The following NFS1 variants were observed in gnomAD, a reference collection of about 807,000 sequenced individuals.
NFS1 encodes NFS1 cysteine desulfurase.
Under a neutral mutation model 57.3 loss-of-function variants are expected in NFS1, and 26 were observed. The ratio of observed to expected loss-of-function variants is 0.45; its 90% confidence interval spans 0.33 to 0.63. The LOEUF (loss-of-function observed/expected upper bound fraction) is 0.63, where lower values mean the gene tolerates loss of function less well. Ranked by LOEUF, NFS1 falls within the 20% of genes least tolerant of loss-of-function variation. The pLI, the probability that NFS1 is intolerant of heterozygous loss-of-function variation, is 0.02. For missense variants in NFS1, 505 were observed against 605.8 expected (o/e 0.83, Z 1.75); for synonymous variants, 209 against 216.3 (o/e 0.97, Z 0.30).
At chr20:35,671,338 T>C (rs916493144) in intron 12 of NFS1, among the ~76,000 whole-genome samples, 3 of 152,312 alleles carry the variant, frequency 2.0e-5, no homozygotes, top group Middle Eastern at 3.4e-3. Context: ...CCTGACCTCA[T>C]GATCCGCTCA....
chr20:35,697,568 C>T (rs2035157370), intron 3 of NFS1, 116 bp downstream of exon 3: 1 of 641,706 alleles, frequency 1.6e-6, no homozygotes, highest in Admixed American at 2.8e-5. Flanking sequence ...TGAATCTCTT[C>T]CAGAAAGAAT....
intron 7 of NFS1, 105 bp from the exon 8 acceptor site, chr20:35,675,307 C>T: frequency 8.1e-7 from 1 of 1,240,130 alleles, no homozygotes; most frequent in Non-Finnish European, 1.1e-6. Flanking sequence ...TTTCTGTAAG[C>T]ATGAAATTTT....
In NFS1 at chr20:35,674,353, C is replaced by T; in HGVS notation, c.1133G>A (p.Gly378Glu). Residue 378 changes from glycine (G) to glutamate (E), a missense_variant, in exon 10 of 13, where the codon GGG (glycine) becomes GAG (glutamate). Transcript: ENST00000374092. ...CTGTCTATGCCGTCCAGCTCACCTC[C>T]CTGAGGATAAGGCAACGTCCTTCAG... is the stretch of plus-strand genomic sequence containing the variant. ...MALKDVALSS[G>E]SACTSASLEP... 6.2e-7 allele frequency: 1 copy of T among 1,613,932 alleles called. No individual in the cohort carries two copies. Among genetic ancestry groups the T allele is most frequent in the Non-Finnish European group, 8.5e-7 (1 of 1,179,930 alleles).
At chr20:35,689,390 CG>C (rs1394450083) in intron 5 of NFS1, among the ~76,000 whole-genome samples, 1 of 152,058 alleles carries the variant, frequency 6.6e-6, no homozygotes, top group African/African-American at 2.4e-5. Flanking sequence ...TTTGGGAGGC[CG>C]AGGCAGGTGG....
intron 5 of NFS1, among the ~76,000 whole-genome samples, chr20:35,686,350 CAAAAAAA>C (rs55861739): frequency 1.4e-5 from 1 of 69,568 alleles, no homozygotes; most frequent in Non-Finnish European, 3.1e-5. Flanking sequence ...AACTCCATCT[CAAAAAAA>C]AAAAAAAAAA....
At chr20:35,697,270 G>A (rs1306054331) in intron 3 of NFS1, among the ~76,000 whole-genome samples, 1 of 150,904 alleles carries the variant, frequency 6.6e-6, no homozygotes, top group Non-Finnish European at 1.5e-5. Flanking sequence ...CTGCACTCCA[G>A]TCTGGGCAAC....
At chr20:35,674,090 G>A (rs1430744138) in intron 10 of NFS1, 1 of 492,614 alleles carries the variant, frequency 2.0e-6, no homozygotes, top group African/African-American at 2.3e-5. Context: ...AGAACTGCTA[G>A]TGTAACCCAC....
intron 10 of NFS1, 141 bp downstream of exon 10, chr20:35,674,209 A>T: frequency 1.4e-6 from 1 of 730,452 alleles, no homozygotes; most frequent in Non-Finnish European, 2.4e-6. Context: ...GCCAACCAAA[A>T]AAAGAGAGGC....
chr20:35,698,404 G>T, intron 2 of NFS1, 77 bp downstream of exon 2: 1 of 1,122,694 alleles, frequency 8.9e-7, no homozygotes, highest in Non-Finnish European at 1.3e-6. Flanking sequence ...CTTCTCCAGG[G>T]ATTCAGCCAT....
Position 35,697,741 on chromosome 20 carries a change from G to A in NFS1, c.267C>T (p.His89=), listed in dbSNP as rs770853945. 1 of 1,614,072 alleles carries A rather than the reference G, an allele frequency of 6.2e-7. No homozygotes were observed. The highest frequency in any genetic ancestry group is 8.5e-7 in the Non-Finnish European group (1 of 1,179,996). Reference sequence around the variant, plus strand: ...CCCAGCCATAAGCATGTGTCCGGGAGTGTGGGTTCCCATAGTAGTTGATTA... The same window carrying A: ...CCCAGCCATAAGCATGTGTCCGGGAATGTGGGTTCCCATAGTAGTTGATTA... ...PYLINYYGNP[H]SRTHAYGWES... The change falls in exon 3 of 13, where the codon CAC becomes CAT. Residue 89 remains histidine (H), a synonymous_variant. Coordinates refer to ENST00000374092, the MANE Select transcript of NFS1 (RefSeq NM_021100.5).
chr20:35,685,956 T>C (rs1428859714), intron 5 of NFS1, among the ~76,000 whole-genome samples: 1 of 145,994 alleles, frequency 6.8e-6, no homozygotes, highest in East Asian at 2.1e-4. Context: ...TGAGATGGAG[T>C]CTTGCTTTTG....
In NFS1 at chr20:35,690,212, GAAAC is replaced by G. The variant is rs1464040019; in HGVS notation, c.561+197_561+200del. On this transcript the variant is annotated intron_variant, in intron 5 of 12. Transcript: ENST00000374092. The stretch of plus-strand genomic sequence containing the variant: ...GACTCCATCTCAAAAAAAAGAAAAA[GAAAC>G]AAGTCCTCCAGAGAAAAGGAGGACA... 7.9e-5 allele frequency among the ~76,000 whole-genome samples: 12 copies of G among 151,984 alleles called. 1 individual carries two copies. The highest frequency in any genetic ancestry group is 6.6e-4 in the Admixed American group (10 of 15,218).
At chr20:35,676,782 A>AC (rs2034757071) in intron 7 of NFS1, among the ~76,000 whole-genome samples, 1 of 122,642 alleles carries the variant, frequency 8.2e-6, no homozygotes, top group Non-Finnish European at 1.8e-5. Flanking sequence ...AAAAAAAAAA[A>AC]AAACCAAGAA....
chr20:35,686,536 C>G (rs2034947785), intron 5 of NFS1, among the ~76,000 whole-genome samples: 1 of 151,990 alleles, frequency 6.6e-6, no homozygotes, highest in African/African-American at 2.4e-5. Flanking sequence ...TCAGAAATTT[C>G]TAAGTGCTTA....
intron 4 of NFS1, chr20:35,692,193 T>C: frequency 4.2e-6 from 1 of 235,836 alleles, no homozygotes; most frequent in Non-Finnish European, 8.2e-6. Context: ...TCTCAAAAAA[T>C]AAATAAATAA....
At chr20:35,675,316 T>C in intron 7 of NFS1, 114 bp from the exon 8 acceptor site, 1 of 1,180,938 alleles carries the variant, frequency 8.5e-7, no homozygotes, top group Non-Finnish European at 1.2e-6. Context: ...GCATGAAATT[T>C]TTCTAAATAA....
At chr20:35,680,554 T>C (rs550172592) in intron 7 of NFS1, among the ~76,000 whole-genome samples, 183 bp downstream of exon 7, 2 of 152,252 alleles carry the variant, frequency 1.3e-5, no homozygotes, top group Non-Finnish European at 2.9e-5. Context: ...GTATAGTAAC[T>C]GCTAAGGTCT....
chr20:35,685,585 G>A (rs917859881), intron 5 of NFS1, among the ~76,000 whole-genome samples: 10 of 146,678 alleles, frequency 6.8e-5, no homozygotes, highest in African/African-American at 1.0e-4. Context: ...GCAGCCGGGC[G>A]CAGTGGCTCA....
intron 8 of NFS1, 121 bp downstream of exon 8, chr20:35,674,924 G>T: frequency 7.3e-7 from 1 of 1,366,686 alleles, no homozygotes; most frequent in Non-Finnish European, 1.0e-6. Flanking sequence ...ACCAGGACAA[G>T]GAAGAGTTTT....
Sources: allele counts gnomAD v4.1 joint callset (sites outside exome capture counted in the v4.1 genomes callset), GRCh38; gene constraint gnomAD v4.1.1; transcripts MANE v1.5; gene names NCBI Gene and HGNC (gene_info 2026-07-23, HGNC 2026-07-21).